EBF1: variants seen among roughly 807,000 people sequenced by gnomAD.
EBF1 encodes EBF transcription factor 1.
Under a neutral mutation model 68.4 loss-of-function variants are expected in EBF1, and 10 were observed. The ratio of observed to expected loss-of-function variants is 0.15; its 90% CI spans 0.09 to 0.25. EBF1 has a LOEUF of 0.25. Among genes scored for constraint, EBF1 ranks in the 10% least tolerant of loss-of-function variants. The pLI is 1.00. For synonymous variants in EBF1, 298 were observed against 299.8 expected (o/e 0.99, Z 0.06); for missense variants, 509 against 794.4 (o/e 0.64, Z 4.32).
At position 158,696,958 on chromosome 5, in the gene EBF1, T is replaced by G. The variant is rs1238927332; in HGVS notation, c.*2153A>C. The G allele has an allele frequency of 3.1e-5, 6 of 193,910 alleles. No homozygotes were observed. Among genetic ancestry groups the G allele is most frequent in the African/African-American group, 1.4e-4 (6 of 43,052 alleles). 12.0% of individuals were successfully genotyped at this position (193,910 alleles called of 1,614,324 possible). A position where few individuals can be genotyped will look rare whatever the true frequency, so the allele number is the denominator to read the frequency against. On this transcript the variant is annotated 3_prime_UTR_variant, in exon 16 of 16. Transcript: ENST00000313708. ...TTAGAATGTTAGTGATGACTGACAG[T>G]TCTGGTGCACAGTTACAATGTACAA... is the stretch of plus-strand genomic sequence containing the variant.
At chr5:158,751,931 A>AT (rs1168257667) in intron 10 of EBF1, among the ~76,000 whole-genome samples, 1 of 151,954 alleles carries the variant, frequency 6.6e-6, no homozygotes, top group Non-Finnish European at 1.5e-5. Context: ...GTGGTTTTAG[A>AT]TGGTTTTTTT....
At chr5:158,828,236 AG>A (rs541247855) in intron 7 of EBF1, among the ~76,000 whole-genome samples, 37 of 152,350 alleles carry the variant, frequency 2.4e-4, no homozygotes, top group African/African-American at 7.9e-4. Context: ...GAGGGTAAAA[AG>A]CCAGTAACCA....
intron 6 of EBF1, among the ~76,000 whole-genome samples, chr5:158,923,394 TG>T (rs1303957978): frequency 6.6e-6 from 1 of 152,218 alleles, no homozygotes; most frequent in Non-Finnish European, 1.5e-5. Context: ...ATGATGAAAA[TG>T]AATCCATCTT....
At chr5:158,829,906 T>C (rs1286404638) in intron 7 of EBF1, among the ~76,000 whole-genome samples, 10 of 152,208 alleles carry the variant, frequency 6.6e-5, no homozygotes, top group Non-Finnish European at 1.5e-5. Context: ...TTCAGTTAAC[T>C]TTCCCTTGTC....
At chr5:158,708,323 A>G (rs1201460591) in intron 14 of EBF1, 150 bp from the exon 15 acceptor site, 9 of 747,246 alleles carry the variant, frequency 1.2e-5, no homozygotes, top group Non-Finnish European at 1.7e-5. Flanking sequence ...GCAGGCTCTC[A>G]TCCACTTTCA....
At chr5:158,817,276 G>T (rs1339432440) in intron 8 of EBF1, among the ~76,000 whole-genome samples, 1 of 151,932 alleles carries the variant, frequency 6.6e-6, no homozygotes, top group Non-Finnish European at 1.5e-5. Flanking sequence ...CTAGTGCTAT[G>T]GTTTGAATAG....
chr5:158,969,836 AAGAAAG>A (rs1242533826), intron 6 of EBF1, among the ~76,000 whole-genome samples: 31 of 140,580 alleles, frequency 2.2e-4, no homozygotes, highest in Non-Finnish European at 3.4e-4. Flanking sequence ...ACAGAAAAGA[AAGAAAG>A]AGAAAGAAAG....
intron 6 of EBF1, among the ~76,000 whole-genome samples, chr5:159,065,150 A>C (rs1776570180): frequency 6.6e-6 from 1 of 152,186 alleles, no homozygotes; most frequent in Admixed American, 6.5e-5. Flanking sequence ...AAATCTCAGT[A>C]GTTTACCTCT....
chr5:159,080,479 A>C (rs1301163640), intron 5 of EBF1, among the ~76,000 whole-genome samples: 1 of 152,222 alleles, frequency 6.6e-6, no homozygotes, highest in Non-Finnish European at 1.5e-5. Context: ...AAATGAAAAC[A>C]TCCTTAACTC....
At chr5:159,081,101 C>T (rs1246288645) in intron 5 of EBF1, among the ~76,000 whole-genome samples, 2 of 152,148 alleles carry the variant, frequency 1.3e-5, no homozygotes, top group African/African-American at 4.8e-5. Context: ...CCACCTCAGC[C>T]CCCTGAGTAG....
At chr5:158,804,899 T>G (rs1237303310) in intron 8 of EBF1, among the ~76,000 whole-genome samples, 1 of 152,054 alleles carries the variant, frequency 6.6e-6, no homozygotes, top group African/African-American at 2.4e-5. Context: ...TGGGGAAAAA[T>G]TGTCATGGAG....
chr5:158,829,587 G>A (rs550711320), intron 7 of EBF1, among the ~76,000 whole-genome samples: 4 of 152,170 alleles, frequency 2.6e-5, no homozygotes, highest in African/African-American at 9.6e-5. Context: ...TGGGGGTTAG[G>A]GGATGGGGAT....
chr5:158,804,544 G>A (rs1781219593), intron 8 of EBF1, among the ~76,000 whole-genome samples: 1 of 151,956 alleles, frequency 6.6e-6, no homozygotes, highest in Admixed American at 6.6e-5. Context: ...CATTACACGG[G>A]GTTATTTGAC....
chr5:158,802,670 A>G (rs1038164296), intron 8 of EBF1, among the ~76,000 whole-genome samples: 1 of 152,162 alleles, frequency 6.6e-6, no homozygotes. Flanking sequence ...AATGGGCAAG[A>G]GCTCCAGTTG....
At chr5:158,942,487 C>T (rs1037450486) in intron 6 of EBF1, among the ~76,000 whole-genome samples, 2 of 152,180 alleles carry the variant, frequency 1.3e-5, no homozygotes, top group Non-Finnish European at 2.9e-5. Flanking sequence ...GTGTTTGACA[C>T]GTGGTAAGCC....
intron 6 of EBF1, among the ~76,000 whole-genome samples, chr5:158,885,023 C>G (rs946034596): frequency 6.6e-6 from 1 of 152,324 alleles, no homozygotes; most frequent in Admixed American, 6.5e-5. Context: ...GCAGCAGATG[C>G]AGCATGTGCA....
At chr5:159,064,874 GAA>G (rs926993819) in intron 6 of EBF1, among the ~76,000 whole-genome samples, 3 of 130,294 alleles carry the variant, frequency 2.3e-5, no homozygotes, top group Admixed American at 7.7e-5. Flanking sequence ...TTTAAAAAAT[GAA>G]AAAGAGACTG....
chr5:158,866,835 A>G (rs182469230), intron 6 of EBF1, among the ~76,000 whole-genome samples: 821 of 2,074 alleles, frequency 0.4, 7 homozygotes, highest in South Asian at 0.45. Flanking sequence ...ATGTATATGT[A>G]TATATATATA....
chr5:159,073,303 A>T, intron 6 of EBF1, 93 bp downstream of exon 6: 1 of 1,343,690 alleles, frequency 7.4e-7, no homozygotes, highest in Non-Finnish European at 1.1e-6. Context: ...TTTCAGCCAC[A>T]TGCATTCCTA....
Sources: gnomAD v4.1 joint callset for allele counts (sites outside exome capture counted in the v4.1 genomes callset) on GRCh38, gnomAD v4.1.1 for gene constraint, MANE v1.5 for transcripts, NCBI Gene and HGNC (gene_info 2026-07-23, HGNC 2026-07-21) for gene names.